HPSE2: variants seen among roughly 807,000 people sequenced by gnomAD.
HPSE2 encodes the protein heparanase 2 (inactive).
A neutral mutation model predicts 60.5 loss-of-function variants in HPSE2; 38 were observed. That is an observed-to-expected ratio of 0.63 (90% CI 0.48 to 0.82). The LOEUF (loss-of-function observed/expected upper bound fraction) is 0.82, where lower values mean the gene tolerates loss of function less well. Among genes scored for constraint, HPSE2 ranks in the 40% least tolerant of loss-of-function variants. The probability of loss-of-function intolerance (pLI) is 0.00; values close to 1 mark genes in which losing one functional copy is unlikely to be tolerated. For synonymous variants in HPSE2, 295 were observed against 293.2 expected, an observed-to-expected ratio of 1.01 and a Z score of -0.06; for missense variants, 713 against 740.4, an observed-to-expected ratio of 0.96 and a Z score of 0.43.
chr10:99,121,814 A>G (rs1174376096), intron 3 of HPSE2, among the ~76,000 whole-genome samples: 1 of 152,172 alleles, frequency 6.6e-6, no homozygotes, highest in Non-Finnish European at 1.5e-5. Flanking sequence ...GTGCAAAAAT[A>G]TATCTACAAT....
At chr10:99,134,213 G>A (rs899689261) in intron 3 of HPSE2, among the ~76,000 whole-genome samples, 36 of 152,232 alleles carry the variant, frequency 2.4e-4, no homozygotes, top group African/African-American at 7.9e-4. Context: ...AGAAATATGG[G>A]ACTATGTGAA....
intron 3 of HPSE2, among the ~76,000 whole-genome samples, chr10:99,108,244 G>T (rs944226612): frequency 2.0e-5 from 3 of 152,100 alleles, no homozygotes; most frequent in African/African-American, 7.2e-5. Flanking sequence ...GAGGATTTGA[G>T]AGTCTGTTGA....
intron 3 of HPSE2, among the ~76,000 whole-genome samples, chr10:98,834,671 T>G (rs1186160060): frequency 3.9e-5 from 6 of 152,130 alleles, no homozygotes; most frequent in Non-Finnish European, 5.9e-5. Context: ...GAATCCTGGA[T>G]CCCTTTAGGA....
At chr10:98,513,077 T>C (rs1296355737) in intron 9 of HPSE2, among the ~76,000 whole-genome samples, 3 of 152,194 alleles carry the variant, frequency 2.0e-5, no homozygotes, top group African/African-American at 7.2e-5. Context: ...TTCATAATGA[T>C]GGGATTATGT....
chr10:99,145,832 T>G (rs1476294792), intron 2 of HPSE2, among the ~76,000 whole-genome samples: 1 of 152,146 alleles, frequency 6.6e-6, no homozygotes, highest in East Asian at 1.9e-4. Context: ...GTCTTTTCTT[T>G]CAGATTTCTA....
At chr10:99,312,680 G>C in the HPSE2 span, among the ~76,000 whole-genome samples, 1 of 152,192 alleles carries the variant, frequency 6.6e-6, no homozygotes, top group Non-Finnish European at 1.5e-5. Flanking sequence ...GTGCCAACAC[G>C]TCATCCATTC....
rs185050646 is a variant in HPSE2 at position 98,463,511 on chromosome 10, A to G, written c.1614-3772T>C. On this transcript the variant is annotated intron_variant, in intron 11 of 11. Coordinates refer to ENST00000370552, the MANE Select transcript of HPSE2 (RefSeq NM_021828.5). The stretch of plus-strand genomic sequence containing the variant: ...ATTGAAATACACAAGTTAATTCAAA[A>G]GTATAGTAGGCTGGGTGTGGTGGCT... Among the ~76,000 whole-genome samples the G allele has an allele frequency of 2.0e-5, 3 of 152,286 alleles. No individual in the cohort carries two copies. In the East Asian group the frequency reaches 5.8e-4, roughly 29 times the overall value.
At chr10:99,008,995 T>G (rs1264437014) in intron 3 of HPSE2, among the ~76,000 whole-genome samples, 2 of 152,186 alleles carry the variant, frequency 1.3e-5, no homozygotes, top group Non-Finnish European at 2.9e-5. Context: ...TGCTGCTGTG[T>G]CAAGTTTGAA....
chr10:98,460,888 G>C (rs1436593115), intron 11 of HPSE2, among the ~76,000 whole-genome samples: 1 of 152,302 alleles, frequency 6.6e-6, no homozygotes, highest in Admixed American at 6.5e-5. Context: ...AGCTGTTCCT[G>C]ACAGCCATGC....
intron 2 of HPSE2, among the ~76,000 whole-genome samples, chr10:99,164,874 A>G (rs1348648155): frequency 6.6e-6 from 1 of 152,108 alleles, no homozygotes; most frequent in African/African-American, 2.4e-5. Flanking sequence ...TCACGAGGTC[A>G]GGAGATTGAG....
intron 2 of HPSE2, among the ~76,000 whole-genome samples, chr10:99,158,614 G>A (rs1846686602): frequency 7.8e-6 from 1 of 128,908 alleles, no homozygotes; most frequent in African/African-American, 3.0e-5. Flanking sequence ...GGGGTGGGGG[G>A]AGGGATAGCA....
chr10:99,246,696 G>C, the HPSE2 span, among the ~76,000 whole-genome samples: 2 of 150,342 alleles, frequency 1.3e-5, no homozygotes, highest in South Asian at 4.2e-4. Context: ...GCAGTGAGCC[G>C]AGATCACACC....
rs561115245 is a variant in HPSE2 at position 98,759,572 on chromosome 10, C to T, written c.611-15516G>A. ...TTATCTCTTCCCCATTGTGAGTTCT[C>T]AGAACCGTTGTTAAAGATCAGTTGA... is the stretch of plus-strand genomic sequence containing the variant. On this transcript the variant is annotated intron_variant, in intron 3 of 11. Transcript: ENST00000370552. 3.2e-4 allele frequency among the ~76,000 whole-genome samples: 49 copies of T among 152,160 alleles called. No homozygotes were observed. The South Asian group carries it at 9.3e-3, about 29-fold the overall frequency.
chr10:98,473,594 A>G (rs567380483), intron 11 of HPSE2, among the ~76,000 whole-genome samples: 2 of 152,206 alleles, frequency 1.3e-5, no homozygotes, highest in Non-Finnish European at 1.5e-5. Context: ...AAAATTCTAA[A>G]ACTCAGTGGA....
At chr10:98,591,424 A>G (rs1945086712) in intron 9 of HPSE2, among the ~76,000 whole-genome samples, 1 of 152,172 alleles carries the variant, frequency 6.6e-6, no homozygotes, top group African/African-American at 2.4e-5. Flanking sequence ...GCACTTTGGG[A>G]GGCTGACAGG....
intron 5 of HPSE2, among the ~76,000 whole-genome samples, chr10:98,711,258 G>A (rs555187019): frequency 1.7e-4 from 26 of 152,164 alleles, no homozygotes; most frequent in Admixed American, 1.7e-3. Context: ...TGACCTGGCT[G>A]TAGAGCCTGG....
At chr10:98,824,474 AT>A (rs1205083673) in intron 3 of HPSE2, among the ~76,000 whole-genome samples, 1 of 152,268 alleles carries the variant, frequency 6.6e-6, no homozygotes, top group South Asian at 2.1e-4. Context: ...GTGCTTGAAG[AT>A]TTTGTGTGTG....
At chr10:98,609,549 C>T (rs565877729) in intron 9 of HPSE2, among the ~76,000 whole-genome samples, 1 of 152,198 alleles carries the variant, frequency 6.6e-6, no homozygotes, top group East Asian at 1.9e-4. Flanking sequence ...CCAAAGAAAA[C>T]CACTTTTAAC....
intron 3 of HPSE2, among the ~76,000 whole-genome samples, chr10:98,908,637 C>T (rs1004193638): frequency 2.0e-4 from 25 of 122,244 alleles, no homozygotes; most frequent in African/African-American, 6.6e-4. Context: ...GAGCCGAGAT[C>T]GTGCCGTTGC....
Sources: gnomAD v4.1 joint callset for allele counts (sites outside exome capture counted in the v4.1 genomes callset) on GRCh38, gnomAD v4.1.1 for gene constraint, MANE v1.5 for transcripts, NCBI Gene and HGNC (gene_info 2026-07-23, HGNC 2026-07-21) for gene names.